The following ARPP21 variants were observed in gnomAD, a reference collection of about 807,000 sequenced individuals.
The protein encoded by ARPP21 is cAMP-regulated phosphoprotein 21.
Under a neutral mutation model 113.2 loss-of-function variants are expected in ARPP21, and 69 were observed. The observed-to-expected ratio is 0.61, with a 90% CI of 0.50 to 0.74. ARPP21 has a LOEUF of 0.74. ARPP21 is among the 30% of genes least tolerant of loss of function. ARPP21 has a pLI of 0.00. For synonymous variants in ARPP21, 368 were observed against 375.5 expected (o/e 0.98, Z 0.23); for missense variants, 1,070 against 1,037.4 (o/e 1.03, Z -0.43).
rs1325529749 is a variant in ARPP21 at position 35,721,761 on chromosome 3, T to A, written c.1152T>A (p.Phe384Leu). Residue 384 changes from phenylalanine to leucine, a missense_variant, in exon 14 of 21, where the codon TTT becomes TTA. By Grantham distance (22) the Phe-to-Leu change is conservative (BLOSUM62 0). Transcript: ENST00000684406. ...CCGCCATGACCAAGACGGCGAGTTT[T>A]GGGGGCATCACGGTGCTGACCAGGG... The part of the protein sequence containing the change: ...LKPAMTKTAS[F>L]GGITVLTRGD... 1 of 1,613,800 alleles carries A rather than the reference T, an allele frequency of 6.2e-7. No individual in the cohort carries two copies. Among genetic ancestry groups the A allele is most frequent in the Admixed American group, 1.7e-5 (1 of 59,996 alleles).
chr3:35,755,450 G>T (rs539575801), intron 19 of ARPP21, among the ~76,000 whole-genome samples: 1 of 151,868 alleles, frequency 6.6e-6, no homozygotes, highest in South Asian at 2.1e-4. Flanking sequence ...TCAAACTCAG[G>T]ATGCTGCTCA....
At position 35,739,454 on chromosome 3, in the gene ARPP21, C is replaced by G. The variant is rs752066588; in HGVS notation, c.1887C>G (p.Ile629Met). 5.6e-6 allele frequency: 9 copies of G among 1,614,160 alleles called. No homozygotes were observed. The highest frequency in any genetic ancestry group is 7.6e-6 in the Non-Finnish European group (9 of 1,180,038). ...PQPAQQPSYV[I>M]ASTGQQLPTG... ...CGGCCCAGCAGCCCAGCTATGTAAT[C>G]GCCTCTACAGGCCAGCAGCTTCCTA... The change falls in exon 18 of 21, where the codon ATC (isoleucine) becomes ATG (methionine). Residue 629 changes from isoleucine to methionine, a missense_variant. Physicochemically the swap from Ile to Met is conservative, Grantham distance 10 (BLOSUM62 1). Transcript: ENST00000684406.
chr3:35,703,871 G>A lies in ARPP21; in HGVS notation c.687-3103G>A, dbSNP rs901549844. 5.9e-5 allele frequency among the ~76,000 whole-genome samples: 9 copies of A among 151,586 alleles called. 1 individual carries two copies. The highest frequency in any genetic ancestry group is 3.2e-3 in the Middle Eastern group (1 of 316). On this transcript the variant is annotated intron_variant, in intron 9 of 20. Transcript: ENST00000684406. ...TATTGCTTAGAAATAATATTGCTAC[G>A]GTGGTAAATTAACTTTGAAAGGGAG...
chr3:35,659,913 G>T (rs1325821723), intron 1 of ARPP21, among the ~76,000 whole-genome samples: 1 of 152,176 alleles, frequency 6.6e-6, no homozygotes, highest in African/African-American at 2.4e-5. Flanking sequence ...ATGACACCTG[G>T]GTGTGTAAAG....
rs2093780238 is a variant in ARPP21 at position 35,729,326 on chromosome 3, G to T, written c.1249G>T (p.Gly417Cys). The part of the protein sequence containing the change: ...KAGSESSSSA[G>C]SSGSLSRTHP... ...AGGTTCCGAGTCTTCCAGCAGTGCA[G>T]GCTCCTCAGGATCGCTGTCCCGCAC... is the stretch of plus-strand genomic sequence containing the variant. Residue 417 changes from glycine to cysteine, a missense_variant, in exon 15 of 21, where the codon GGC becomes TGC. Physicochemically the swap from Gly to Cys is radical, Grantham distance 159 (BLOSUM62 -3). Transcript: ENST00000684406. 6.2e-7 allele frequency: 1 copy of T among 1,614,082 alleles called. No individual in the cohort carries two copies. Among genetic ancestry groups the T allele is most frequent in the Non-Finnish European group, 8.5e-7 (1 of 1,179,994 alleles).
intron 19 of ARPP21, among the ~76,000 whole-genome samples, chr3:35,770,883 C>G (rs2096176204): frequency 6.6e-6 from 1 of 152,014 alleles, no homozygotes; most frequent in African/African-American, 2.4e-5. Context: ...TTTGGTGCAA[C>G]AAATAGAATG....
intron 13 of ARPP21, among the ~76,000 whole-genome samples, chr3:35,719,386 A>C (rs1024005279): frequency 3.9e-5 from 6 of 152,236 alleles, no homozygotes; most frequent in Non-Finnish European, 8.8e-5. Flanking sequence ...ATTATGGCTT[A>C]GGACAGTGAT....
chr3:35,792,271 T>A, intron 19 of ARPP21, 111 bp from the exon 20 acceptor site: 1 of 829,734 alleles, frequency 1.2e-6, no homozygotes, highest in South Asian at 1.6e-5. Flanking sequence ...ACATTCTGAA[T>A]GTGGAGACTG....
chr3:35,690,215 G>C, intron 8 of ARPP21, 75 bp downstream of exon 8: 1 of 781,036 alleles, frequency 1.3e-6, no homozygotes, highest in Admixed American at 1.8e-5. Context: ...GTCCATTCTG[G>C]AAAGACTTAG....
chr3:35,732,206 T>A (rs570895617), intron 15 of ARPP21, among the ~76,000 whole-genome samples: 72 of 152,066 alleles, frequency 4.7e-4, no homozygotes, highest in Non-Finnish European at 9.1e-4. Context: ...TATCTGCCAA[T>A]CATGTGCCTA....
chr3:35,768,862 C>T (rs556549985), intron 19 of ARPP21, among the ~76,000 whole-genome samples: 1 of 152,054 alleles, frequency 6.6e-6, no homozygotes, highest in African/African-American at 2.4e-5. Context: ...ATTTTTAAAT[C>T]CTAAATTCAC....
chr3:35,776,592 T>C (rs2096376023), intron 19 of ARPP21, among the ~76,000 whole-genome samples: 1 of 152,130 alleles, frequency 6.6e-6, no homozygotes, highest in South Asian at 2.1e-4. Flanking sequence ...CAGTTCTCCT[T>C]TGATGGGGAG....
At chr3:35,756,796 A>G (rs2095587339) in intron 19 of ARPP21, among the ~76,000 whole-genome samples, 1 of 152,156 alleles carries the variant, frequency 6.6e-6, no homozygotes, top group Admixed American at 6.6e-5. Flanking sequence ...AATAAAAAAT[A>G]AATGGCAGAA....
At chr3:35,768,594 C>A (rs369058607) in intron 19 of ARPP21, among the ~76,000 whole-genome samples, 2 of 152,120 alleles carry the variant, frequency 1.3e-5, no homozygotes, top group South Asian at 2.1e-4. Context: ...AGCATTACTT[C>A]GTGTATGATT....
chr3:35,745,316 A>G (rs2094957094), intron 19 of ARPP21, among the ~76,000 whole-genome samples: 1 of 152,208 alleles, frequency 6.6e-6, no homozygotes, highest in African/African-American at 2.4e-5. Flanking sequence ...TGTTGCTTGC[A>G]TTCTGGACTA....
At chr3:35,754,474 G>A (rs2095507241) in intron 19 of ARPP21, among the ~76,000 whole-genome samples, 1 of 151,952 alleles carries the variant, frequency 6.6e-6, no homozygotes, top group Non-Finnish European at 1.5e-5. Flanking sequence ...ATGAATCCTT[G>A]TGGAACATGC....
intron 9 of ARPP21, among the ~76,000 whole-genome samples, chr3:35,695,693 A>G (rs2083725037): frequency 1.3e-5 from 2 of 151,560 alleles, no homozygotes; most frequent in Admixed American, 1.3e-4. Flanking sequence ...GGTAAGACTT[A>G]AACAAATGTA....
At position 35,762,126 on chromosome 3, in the gene ARPP21, T is replaced by TCACACA. The variant is rs371775285; in HGVS notation, c.2137+18185_2137+18190dup. On this transcript the variant is annotated intron_variant, in intron 19 of 20. Coordinates refer to ENST00000684406, the MANE Select transcript of ARPP21 (RefSeq NM_001385562.1). ...CTCTCTCTCTCTCTCTCTCTCTCTCTCACACACACACACACACACACACAC... is the reference window on the plus strand; with the variant it reads ...CTCTCTCTCTCTCTCTCTCTCTCTCTCACACACACACACACACACACACACACACAC... 2.0e-3 allele frequency among the ~76,000 whole-genome samples: 250 copies of TCACACA among 127,030 alleles called. 1 individual carries two copies. The highest frequency in any genetic ancestry group is 3.5e-3 in the Non-Finnish European group (197 of 56,556). 83.3% of individuals were successfully genotyped at this position (127,030 alleles called of 152,430 possible). A position where few individuals can be genotyped will look rare whatever the true frequency, so the allele number is the denominator to read the frequency against.
At chr3:35,777,065 T>C (rs1438203409) in intron 19 of ARPP21, among the ~76,000 whole-genome samples, 1 of 152,114 alleles carries the variant, frequency 6.6e-6, no homozygotes. Context: ...GTACCTCGGC[T>C]CTTGTGGAAA....
Sources: allele counts gnomAD v4.1 joint callset (sites outside exome capture counted in the v4.1 genomes callset), GRCh38; gene constraint gnomAD v4.1.1; transcripts MANE v1.5; gene names NCBI Gene and HGNC (gene_info 2026-07-23, HGNC 2026-07-21).